DPYD: variants seen among roughly 807,000 people sequenced by gnomAD.
DPYD encodes dihydropyrimidine dehydrogenase [NADP(+)].
In DPYD, 109 loss-of-function variants were observed where a neutral mutation model predicts 116.2. That is an observed-to-expected ratio of 0.94 (90% CI 0.80 to 1.10). DPYD has a LOEUF of 1.10. Among genes scored for constraint, DPYD ranks in the 50% least tolerant of loss-of-function variants. DPYD has a pLI of 0.00. For synonymous variants in DPYD, 440 were observed against 432.0 expected (o/e 1.02, Z -0.23); for missense variants, 1,302 against 1,254.5 (o/e 1.04, Z -0.57).
intron 16 of DPYD, among the ~76,000 whole-genome samples, chr1:97,371,324 C>T (rs976758207): frequency 1.3e-5 from 2 of 152,162 alleles, no homozygotes; most frequent in African/African-American, 4.8e-5. Flanking sequence ...AGGCTCTGAC[C>T]ATGCATGCAG....
intron 10 of DPYD, 107 bp from the exon 11 acceptor site, chr1:97,574,077 T>C (rs972986806): frequency 4.1e-5 from 63 of 1,518,854 alleles, no homozygotes; most frequent in Non-Finnish European, 5.2e-5. Context: ...ATTAAGTCAA[T>C]ATGCAGCTTT....
intron 16 of DPYD, among the ~76,000 whole-genome samples, chr1:97,350,533 CA>C (rs2101321653): frequency 6.6e-6 from 1 of 152,200 alleles, no homozygotes; most frequent in African/African-American, 2.4e-5. Context: ...GTTTAGGTTA[CA>C]GGGGTCAGTG....
intron 20 of DPYD, among the ~76,000 whole-genome samples, chr1:97,101,108 A>T (rs559223903): frequency 6.6e-6 from 1 of 152,004 alleles, no homozygotes; most frequent in Non-Finnish European, 1.5e-5. Flanking sequence ...CAAAAAAAAA[A>T]ATACCAAATA....
At chr1:97,734,068 A>C (rs1663786781) in intron 4 of DPYD, among the ~76,000 whole-genome samples, 1 of 152,088 alleles carries the variant, frequency 6.6e-6, no homozygotes, top group South Asian at 2.1e-4. Context: ...ATAATTTTTC[A>C]CTTGGTTTCA....
At chr1:97,545,644 T>C in intron 12 of DPYD, 1 of 623,958 alleles carries the variant, frequency 1.6e-6, no homozygotes, top group Non-Finnish European at 2.8e-6. Flanking sequence ...CTGTTGGAGG[T>C]ACAGATTAGA....
chr1:97,457,884 C>T lies in DPYD; in HGVS notation c.1741-7661G>A, dbSNP rs557438826. 9.9e-5 allele frequency among the ~76,000 whole-genome samples: 15 copies of T among 152,198 alleles called. No individual in the cohort carries two copies. In the South Asian group the frequency reaches 2.1e-3, roughly 21 times the overall value. The stretch of plus-strand genomic sequence containing the variant: ...ATAGCTCACAGCAGCTGTGCATTCA[C>T]GGAGATAAGTTTTACAAGAAACAGA... On this transcript the variant is annotated intron_variant, in intron 13 of 22. Transcript: ENST00000370192.
chr1:97,898,559 T>A (rs1209627629), intron 1 of DPYD, among the ~76,000 whole-genome samples: 9 of 151,942 alleles, frequency 5.9e-5, no homozygotes, highest in African/African-American at 2.2e-4. Context: ...AATAATTGTT[T>A]CATATATTTT....
At chr1:97,336,484 C>T (rs528998721) in intron 16 of DPYD, among the ~76,000 whole-genome samples, 7 of 152,330 alleles carry the variant, frequency 4.6e-5, no homozygotes, top group African/African-American at 1.7e-4. Context: ...TGTGATGGCT[C>T]ATGCCTGTGG....
intron 18 of DPYD, among the ~76,000 whole-genome samples, chr1:97,235,452 T>C (rs1330502527): frequency 6.6e-6 from 1 of 152,078 alleles, no homozygotes; most frequent in Non-Finnish European, 1.5e-5. Context: ...ATCCCATGGC[T>C]ACTAAAAATA....
At chr1:97,505,955 A>G (rs1647293260) in intron 13 of DPYD, among the ~76,000 whole-genome samples, 1 of 151,988 alleles carries the variant, frequency 6.6e-6, no homozygotes, top group Non-Finnish European at 1.5e-5. Flanking sequence ...CAGTGGGGTA[A>G]GAAAAGGTAA....
chr1:97,346,148 T>A (rs1296175719), intron 16 of DPYD, among the ~76,000 whole-genome samples: 2 of 151,886 alleles, frequency 1.3e-5, no homozygotes, highest in African/African-American at 4.8e-5. Flanking sequence ...TTCAGCAACT[T>A]CCTTTGTCAA....
intron 8 of DPYD, among the ~76,000 whole-genome samples, chr1:97,616,665 G>C (rs1173797240): frequency 6.6e-6 from 1 of 151,994 alleles, no homozygotes; most frequent in African/African-American, 2.4e-5. Flanking sequence ...TTAGATAACC[G>C]TGATAACACA....
chr1:97,419,879 T>C (rs1163140576), intron 14 of DPYD: 1 of 152,344 alleles, frequency 6.6e-6, no homozygotes, highest in East Asian at 1.9e-4. Context: ...TACAAATTTA[T>C]AATCCTACTA....
chr1:97,784,483 T>C (rs1393115741), intron 3 of DPYD, among the ~76,000 whole-genome samples: 1 of 152,176 alleles, frequency 6.6e-6, no homozygotes, highest in African/African-American at 2.4e-5. Flanking sequence ...TAAATATATG[T>C]AGTTTTATAA....
At chr1:97,511,227 A>G (rs936250771) in intron 13 of DPYD, among the ~76,000 whole-genome samples, 2 of 152,068 alleles carry the variant, frequency 1.3e-5, no homozygotes, top group Admixed American at 1.3e-4. Flanking sequence ...TCTGAAAACA[A>G]TACTATCTAT....
At chr1:97,251,200 C>T (rs1663062137) in intron 18 of DPYD, among the ~76,000 whole-genome samples, 1 of 151,712 alleles carries the variant, frequency 6.6e-6, no homozygotes, top group Non-Finnish European at 1.5e-5. Context: ...AGTTCGAGAC[C>T]AGCCTGGCCG....
chr1:97,226,089 T>C (rs1661135262), intron 19 of DPYD, among the ~76,000 whole-genome samples: 1 of 152,050 alleles, frequency 6.6e-6, no homozygotes, highest in Admixed American at 6.6e-5. Flanking sequence ...ATTAAACCTA[T>C]GCAAACCAAT....
At chr1:97,322,646 G>A (rs1427837306) in intron 16 of DPYD, 1 of 151,968 alleles carries the variant, frequency 6.6e-6, no homozygotes, top group African/African-American at 2.4e-5. Context: ...TGGTTTATAA[G>A]CATACATGTC....
At chr1:97,660,690 A>C (rs1659202432) in intron 8 of DPYD, among the ~76,000 whole-genome samples, 1 of 152,124 alleles carries the variant, frequency 6.6e-6, no homozygotes, top group South Asian at 2.1e-4. Flanking sequence ...GAGTAAATAA[A>C]ACCTTACTAC....
Sources: allele counts gnomAD v4.1 joint callset (sites outside exome capture counted in the v4.1 genomes callset), GRCh38; gene constraint gnomAD v4.1.1; transcripts MANE v1.5; gene names NCBI Gene and HGNC (gene_info 2026-07-23, HGNC 2026-07-21).